USP43: variants seen among roughly 807,000 people sequenced by gnomAD.
The protein encoded by USP43 is ubiquitin carboxyl-terminal hydrolase 43.
In USP43, 33 loss-of-function variants were observed where a neutral mutation model predicts 90.7. The ratio of observed to expected loss-of-function variants is 0.36; its 90% confidence interval spans 0.28 to 0.49. The LOEUF (loss-of-function observed/expected upper bound fraction) is 0.49, where lower values mean the gene tolerates loss of function less well. Among genes scored for constraint, USP43 ranks in the 20% least tolerant of loss-of-function variants. The pLI, the probability that USP43 is intolerant of heterozygous loss-of-function variation, is 0.98. For missense variants in USP43, 1,274 were observed against 1,476.4 expected, an observed-to-expected ratio of 0.86 and a Z score of 2.25; for synonymous variants, 598 against 615.8, an observed-to-expected ratio of 0.97 and a Z score of 0.43.
intron 3 of USP43, among the ~76,000 whole-genome samples, chr17:9,673,966 A>G (rs533202228): frequency 2.6e-5 from 4 of 152,322 alleles, no homozygotes; most frequent in Admixed American, 6.5e-5. Flanking sequence ...ATGGGAGAAC[A>G]CTAGGGTCAT....
rs757334949 is a variant in USP43 at position 9,649,785 on chromosome 17, A to G, written c.504+3649A>G. The stretch of plus-strand genomic sequence containing the variant: ...TACTGATACGTTTCAAGGTATATAC[A>G]AACAATTGAAAATTTTAGTTTTACA... On this transcript the variant is annotated intron_variant, in intron 1 of 14. Transcript: ENST00000285199. Among the ~76,000 whole-genome samples, 10 of 152,172 alleles carry G rather than the reference A, an allele frequency of 6.6e-5. No individual in the cohort carries two copies. In the East Asian group the frequency reaches 1.9e-3, roughly 29 times the overall value.
rs202005345 is a variant in USP43, at chr17:9,728,532, A to G, written c.2914A>G (p.Met972Val). 1.0e-4 allele frequency: 161 copies of G among 1,613,816 alleles called. No individual in the cohort carries two copies. The highest frequency in any genetic ancestry group is 1.2e-4 in the Non-Finnish European group (146 of 1,179,824). The change falls in exon 15 of 15, where the codon ATG becomes GTG. Residue 972 changes from methionine to valine, a missense_variant. Met to Val is a conservative substitution (Grantham distance 21). This residue lies in a region of USP43 where 353 missense variants were observed against 329.7 expected (regional missense o/e 1.07). Coordinates refer to ENST00000285199, the MANE Select transcript of USP43 (RefSeq NM_153210.5). This position sits in a 1 kb window ranked among gnomAD's most constrained non-coding sequence, Gnocchi z 6.2. Reference sequence around the variant, plus strand: ...CAAAAGCAGCCCACCCTCCCCCTATATGGGATTCTCTGGAAACAGCAAAGA... The same window carrying G: ...CAAAAGCAGCCCACCCTCCCCCTATGTGGGATTCTCTGGAAACAGCAAAGA... ...GSKSSPPSPY[M>V]GFSGNSKDSR... is the part of the protein sequence containing the mutation.
chr17:9,667,893 C>T (rs1031822695), intron 3 of USP43, among the ~76,000 whole-genome samples: 2 of 152,128 alleles, frequency 1.3e-5, no homozygotes, highest in African/African-American at 4.8e-5. Flanking sequence ...ACAAAAGTCT[C>T]AGGGGATGAG....
At chr17:9,680,884 T>A (rs978876636) in intron 6 of USP43, among the ~76,000 whole-genome samples, 1 of 150,942 alleles carries the variant, frequency 6.6e-6, no homozygotes, top group Non-Finnish European at 1.5e-5. Flanking sequence ...TTCTTAATGC[T>A]TGCTTTTCCT....
intron 12 of USP43, among the ~76,000 whole-genome samples, chr17:9,706,678 C>T (rs1254014041): frequency 8.5e-6 from 1 of 117,280 alleles, no homozygotes; most frequent in Non-Finnish European, 1.6e-5. Flanking sequence ...GAGTCTCGCT[C>T]TGTGTCCCAG....
intron 1 of USP43, among the ~76,000 whole-genome samples, chr17:9,652,138 A>G (rs1367679908): frequency 6.6e-6 from 1 of 150,402 alleles, no homozygotes; most frequent in Non-Finnish European, 1.5e-5. Flanking sequence ...TAATCCTAGC[A>G]CTTTGAGAGG....
chr17:9,656,407 C>T lies in USP43; in HGVS notation c.509C>T (p.Ala170Val). 2 of 1,610,494 alleles carry T rather than the reference C, an allele frequency of 1.2e-6. No homozygotes were observed. The highest frequency in any genetic ancestry group is 8.5e-7 in the Non-Finnish European group (1 of 1,178,500). ...TPQLSAEFKN[A>V]VSKYGSQFQG... ...GATTTCCTTTTTTCCTTTCAGAATGCAGTTTCCAAGTACGGCTCTCAGTTC... is the reference window on the plus strand; with the variant it reads ...GATTTCCTTTTTTCCTTTCAGAATGTAGTTTCCAAGTACGGCTCTCAGTTC... Residue 170 changes from alanine (A) to valine (V), a missense_variant, in exon 2 of 15, where the codon GCA becomes GTA. Around this residue, in one of 6 missense-constraint regions of USP43, gnomAD observed 259 missense variants for 373.7 expected, o/e 0.69. Transcript: ENST00000285199.
At chr17:9,655,676 AGAT>A in intron 1 of USP43, among the ~76,000 whole-genome samples, 1 of 152,336 alleles carries the variant, frequency 6.6e-6, no homozygotes, top group East Asian at 1.9e-4. Flanking sequence ...CAGTGCAAAC[AGAT>A]GATGATCTGT....
At chr17:9,667,884 CA>C (rs1913149931) in intron 3 of USP43, among the ~76,000 whole-genome samples, 1 of 152,132 alleles carries the variant, frequency 6.6e-6, no homozygotes, top group Non-Finnish European at 1.5e-5. Flanking sequence ...TTAAGCCTTA[CA>C]AAAGTCTCAG....
intron 14 of USP43, among the ~76,000 whole-genome samples, chr17:9,712,685 C>T (rs764797775): frequency 5.9e-5 from 9 of 152,086 alleles, no homozygotes; most frequent in Non-Finnish European, 1.2e-4. Context: ...GTAGAGAGAG[C>T]AGGAGTGGAC....
rs1025606679 is a variant in USP43, at chr17:9,645,853, G to T, written c.221G>T (p.Ser74Ile). The T allele has an allele frequency of 1.4e-6, 2 of 1,412,462 alleles. No individual in the cohort carries two copies. The allele number at this position is 1,412,462 out of a possible 1,614,324, so 87.5% of individuals were successfully genotyped here. A position where few individuals can be genotyped will look rare whatever the true frequency, so the allele number is the denominator to read the frequency against. Residue 74 changes from serine to isoleucine, a missense_variant, in exon 1 of 15, where the codon AGC (serine) becomes ATC (isoleucine). Ser to Ile is a moderately radical substitution (Grantham distance 142). Transcript: ENST00000285199. The surrounding 1 kb of genome is among the most constrained non-coding windows in gnomAD (Gnocchi z 6.8). ...GGCCCAGTTCCAGCGGCCCCCGGGA[G>T]CCCCGGGGAGGAACGCCCGCCCGGA... ...APGPVPAAPGSPGEERPPGPQ... is the reference protein window; with the variant it reads ...APGPVPAAPGIPGEERPPGPQ...
At chr17:9,648,538 C>T (rs992117023) in intron 1 of USP43, among the ~76,000 whole-genome samples, 1 of 152,140 alleles carries the variant, frequency 6.6e-6, no homozygotes, top group Non-Finnish European at 1.5e-5. Flanking sequence ...ATGACAGTTA[C>T]AGCAGGAAAA....
chr17:9,726,388 A>T (rs368483482), intron 14 of USP43, among the ~76,000 whole-genome samples: 3 of 152,036 alleles, frequency 2.0e-5, no homozygotes, highest in Non-Finnish European at 4.4e-5. Flanking sequence ...TTCATTGTTC[A>T]TTCAGGCTGT....
Position 9,723,851 on chromosome 17 carries a change from C to T in USP43, c.2336-4103C>T, listed in dbSNP as rs573725544. Among the ~76,000 whole-genome samples the T allele has an allele frequency of 3.9e-5, 6 of 152,084 alleles. No individual in the cohort carries two copies. In the South Asian group the frequency reaches 1.0e-3, roughly 26 times the overall value. Reference sequence around the variant, plus strand: ...CTTGAACTCCTGACCTCAGGTGATCCACCCGCCTCGGCCTCCCAAAGTGCT... The same window carrying T: ...CTTGAACTCCTGACCTCAGGTGATCTACCCGCCTCGGCCTCCCAAAGTGCT... On this transcript the variant is annotated intron_variant, in intron 14 of 14. Coordinates refer to ENST00000285199, the MANE Select transcript of USP43 (RefSeq NM_153210.5).
At chr17:9,655,246 T>C (rs1912159265) in intron 1 of USP43, among the ~76,000 whole-genome samples, 1 of 152,176 alleles carries the variant, frequency 6.6e-6, no homozygotes, top group Non-Finnish European at 1.5e-5. Context: ...CTCTGCAGTC[T>C]AAGAGTGGGT....
chr17:9,705,921 C>T (rs977248538), intron 12 of USP43, among the ~76,000 whole-genome samples: 3 of 152,134 alleles, frequency 2.0e-5, no homozygotes, highest in African/African-American at 7.2e-5. Context: ...TAAGCACAAA[C>T]AAGATGTCCT....
rs1437565221 is a variant in USP43 at position 9,650,663 on chromosome 17, A to G, written c.504+4527A>G. Among the ~76,000 whole-genome samples, 3 of 152,208 alleles carry G rather than the reference A, an allele frequency of 2.0e-5. No homozygotes were observed. In the East Asian group the frequency reaches 5.8e-4, roughly 29 times the overall value. ...AGTGATCCACCTGCCTCGGCCTCTC[A>G]TTACAGGTATGAGCCACCACGCCCG... is the stretch of plus-strand genomic sequence containing the variant. On this transcript the variant is annotated intron_variant, in intron 1 of 14. Coordinates refer to ENST00000285199, the MANE Select transcript of USP43 (RefSeq NM_153210.5).
rs74535906 is a variant in USP43 at position 9,693,104 on chromosome 17, C to G, written c.1354-23C>G. The G allele has an allele frequency of 2.2e-3, 3,477 of 1,592,102 alleles. 74 individuals are homozygous for G. In the African/African-American group the frequency reaches 0.043, roughly 20 times the overall value. ...TCAATATAGGGGCTACGTAATGATC[C>G]ATGTCTGTTTTTGTCTTCGCAGAAC... On this transcript the variant is annotated intron_variant, in intron 8 of 14. Coordinates refer to ENST00000285199, the MANE Select transcript of USP43 (RefSeq NM_153210.5).
At chr17:9,718,074 G>T (rs1012560220) in intron 14 of USP43, among the ~76,000 whole-genome samples, 2 of 152,116 alleles carry the variant, frequency 1.3e-5, no homozygotes, top group African/African-American at 4.8e-5. Context: ...GGGATTACAG[G>T]TGTGAGCCAC....
Sources: allele counts gnomAD v4.1 joint callset (sites outside exome capture counted in the v4.1 genomes callset), GRCh38; gene constraint gnomAD v4.1.1; regional missense constraint gnomAD v4.1.1; non-coding constraint Gnocchi (gnomAD v3.1); transcripts MANE v1.5; gene names NCBI Gene and HGNC (gene_info 2026-07-23, HGNC 2026-07-21).